Variants in TNMD observed in about 807,000 individuals in gnomAD.
TNMD encodes the protein BRICHOS domain containing 4.
A neutral mutation model predicts 26.9 loss-of-function variants in TNMD; 15 were observed. The observed-to-expected ratio is 0.56, with a 90% CI of 0.37 to 0.86. TNMD has a LOEUF of 0.86. TNMD is among the 40% of genes least tolerant of loss of function. TNMD has a pLI of 0.00. For missense variants in TNMD, 222 were observed against 242.6 expected, an observed-to-expected ratio of 0.92 and a Z score of 0.56; for synonymous variants, 73 against 77.0, an observed-to-expected ratio of 0.95 and a Z score of 0.27.
rs1340628341 is a variant in TNMD at position 100,594,003 on chromosome X, G to T, written c.289G>T (p.Asp97Tyr). The T allele has an allele frequency of 8.3e-7, 1 of 1,210,645 alleles. No individual in the cohort carries two copies. The highest frequency in any genetic ancestry group is 1.1e-6 in the Non-Finnish European group (1 of 894,820). ...AATATTCAGAAGCGGAAATGGCACT[G>T]ATGAAACATTGGAAGTGCACGACTT... Reference protein sequence around the residue: ...TEIFRSGNGTDETLEVHDFKN... With the variant: ...TEIFRSGNGTYETLEVHDFKN... Residue 97 changes from aspartate to tyrosine, a missense_variant, in exon 3 of 7, where the codon GAT becomes TAT. Physicochemically the swap from Asp to Tyr is radical, Grantham distance 160 (BLOSUM62 -3). Transcript: ENST00000373031.
At position 100,593,998 on chromosome X, in the gene TNMD, G is replaced by A; in HGVS notation, c.284G>A (p.Gly95Asp). 8.3e-7 allele frequency: 1 copy of A among 1,210,416 alleles called. No individual in the cohort carries two copies. The highest frequency in any genetic ancestry group is 1.1e-6 in the Non-Finnish European group (1 of 894,683). ...ACTGAAATATTCAGAAGCGGAAATG[G>A]CACTGATGAAACATTGGAAGTGCAC... ...TRTEIFRSGN[G>D]TDETLEVHDF... Residue 95 changes from glycine (G) to aspartate (D), a missense_variant, in exon 3 of 7, where the codon GGC (glycine) becomes GAC (aspartate). Physicochemically the swap from Gly to Asp is moderately conservative, Grantham distance 94. Coordinates refer to ENST00000373031, the MANE Select transcript of TNMD (RefSeq NM_022144.3).
chrX:100,593,670 A>G (rs1355647324), intron 2 of TNMD: 7 of 310,770 alleles, frequency 2.3e-5, no homozygotes, highest in Admixed American at 5.8e-5. Context: ...CCTCAGCTTA[A>G]CACAAGGGGA....
chrX:100,594,121 T>C (rs1396114844), intron 3 of TNMD, 86 bp downstream of exon 3: 25 of 1,052,773 alleles, frequency 2.4e-5, no homozygotes, highest in Non-Finnish European at 3.2e-5. Context: ...CATCTAAAAT[T>C]TGAATTCAAA....
intron 2 of TNMD, among the ~76,000 whole-genome samples, chrX:100,586,076 T>C (rs1019864813): frequency 8.9e-6 from 1 of 112,301 alleles, no homozygotes; most frequent in Non-Finnish European, 1.9e-5. Flanking sequence ...GTGTTATTGT[T>C]ATTCCTGGGC....
rs145140166 is a variant in TNMD at position 100,586,753 on chromosome X, C to T, written c.180+1391C>T. On this transcript the variant is annotated intron_variant, in intron 2 of 6. Coordinates refer to ENST00000373031, the MANE Select transcript of TNMD (RefSeq NM_022144.3). ...TGCTCCTTGCTTCTGAACTACTTACCGTTCAAATGTCCTTCTAGAGAAGCC... is the reference window on the plus strand; with the variant it reads ...TGCTCCTTGCTTCTGAACTACTTACTGTTCAAATGTCCTTCTAGAGAAGCC... Among the ~76,000 whole-genome samples, 527 of 111,524 alleles carry T rather than the reference C, an allele frequency of 4.7e-3. 3 individuals carry two copies. Among genetic ancestry groups the T allele is most frequent in the African/African-American group, 0.015 (469 of 30,710 alleles).
In TNMD at chrX:100,599,608, C is replaced by A. The variant is rs2082963143; in HGVS notation, c.845C>A (p.Pro282His). ...GNRYCRRVCE[P>H]LLGYYPYPYC... The stretch of plus-strand genomic sequence containing the variant: ...CGCTATTGCCGCCGCGTCTGTGAAC[C>A]TTTACTAGGCTACTACCCATATCCA... Residue 282 changes from proline to histidine, a missense_variant, in exon 7 of 7, where the codon CCT becomes CAT. Coordinates refer to ENST00000373031, the MANE Select transcript of TNMD (RefSeq NM_022144.3). 5.0e-6 allele frequency: 6 copies of A among 1,209,452 alleles called. No individual in the cohort carries two copies. The highest frequency in any genetic ancestry group is 6.7e-6 in the Non-Finnish European group (6 of 895,069).
intron 4 of TNMD, 61 bp downstream of exon 4, chrX:100,594,423 C>A: frequency 2.9e-6 from 2 of 700,451 alleles, no homozygotes; most frequent in Non-Finnish European, 2.1e-6. Flanking sequence ...TAGCTATGTG[C>A]CAAACATTGT....
chrX:100,589,595 G>A lies in TNMD; in HGVS notation c.180+4233G>A, dbSNP rs5967157. On this transcript the variant is annotated intron_variant, in intron 2 of 6. Transcript: ENST00000373031. ...TGAACAACTTATATGACACCAGGAT[G>A]AAGAGCCTGGGCCTTCAAAGACAGC... Among the ~76,000 whole-genome samples the A allele has an allele frequency of 3.5e-3, 386 of 110,933 alleles. 1 individual carries two copies. Among genetic ancestry groups the A allele is most frequent in the African/African-American group, 0.012 (369 of 30,501 alleles).
intron 4 of TNMD, among the ~76,000 whole-genome samples, chrX:100,596,598 T>C (rs1309705235): frequency 9.0e-6 from 1 of 111,568 alleles, no homozygotes; most frequent in Non-Finnish European, 1.9e-5. Flanking sequence ...ATGTGTATTT[T>C]AAACATGCAG....
chrX:100,587,162 G>A (rs993472850), intron 2 of TNMD, among the ~76,000 whole-genome samples: 2 of 112,386 alleles, frequency 1.8e-5, no homozygotes, highest in Non-Finnish European at 3.8e-5. Flanking sequence ...TTGCCTCAAC[G>A]CAGCTATAAA....
In TNMD at chrX:100,599,675, G is replaced by A; in HGVS notation, c.912G>A (p.Met304Ile). ...GACGAGTCATCTGTCGTGTCATCAT[G>A]CCTTGTAACTGGTGGGTGGCCCGCA... is the stretch of plus-strand genomic sequence containing the variant. ...QGGRVICRVIMPCNWWVARML... is the reference protein window; with the variant it reads ...QGGRVICRVIIPCNWWVARML... Residue 304 changes from methionine to isoleucine, a missense_variant, in exon 7 of 7, where the codon ATG becomes ATA. Coordinates refer to ENST00000373031, the MANE Select transcript of TNMD (RefSeq NM_022144.3). The A allele has an allele frequency of 8.3e-7, 1 of 1,211,714 alleles. No individual in the cohort carries two copies. Among genetic ancestry groups the A allele is most frequent in the East Asian group, 3.0e-5 (1 of 33,834 alleles).
rs768062613 is a variant in TNMD at position 100,597,528 on chromosome X, T to A, written c.448T>A (p.Phe150Ile). The change falls in exon 5 of 7, where the codon TTT becomes ATT. Residue 150 changes from phenylalanine (F) to isoleucine (I), a missense_variant. Phe to Ile is a conservative substitution (Grantham distance 21). Coordinates refer to ENST00000373031, the MANE Select transcript of TNMD (RefSeq NM_022144.3). ...GAATGAAGAAATTACCACAACTTTC[T>A]TTGAACAGTCAGTGATTTGGGTCCC... ...DENEEITTTF[F>I]EQSVIWVPAE... The A allele has an allele frequency of 2.0e-4, 245 of 1,210,483 alleles. 1 individual carries two copies. The highest frequency in any genetic ancestry group is 2.1e-5 in the Non-Finnish European group (19 of 895,361).
chrX:100,598,377 T>C (rs2082958790), intron 5 of TNMD, among the ~76,000 whole-genome samples: 1 of 111,898 alleles, frequency 8.9e-6, no homozygotes, highest in Non-Finnish European at 1.9e-5. Context: ...TGTGGTATCC[T>C]GGACTGGATG....
At chrX:100,599,290 A>AC (rs2082961914) in intron 6 of TNMD, 108 bp downstream of exon 6, 1 of 718,726 alleles carries the variant, frequency 1.4e-6, no homozygotes. Context: ...CATGGCTTTA[A>AC]CAAAAAAAAA....
rs1878982183 is a variant in TNMD at position 100,594,357 on chromosome X, G to C, written c.418G>C (p.Asp140His). Residue 140 changes from aspartate to histidine, a missense_variant, in exon 4 of 7, where the codon GAT becomes CAT. Asp to His is a moderately conservative substitution (Grantham distance 81). Transcript: ENST00000373031. The stretch of plus-strand genomic sequence containing the variant: ...ATTTTCTGAACCAGAAGAGGAAATA[G>C]ATGAGGTATGTAAGAAGAATAATTG... ...PEFSEPEEEI[D>H]ENEEITTTFF... The C allele has an allele frequency of 1.8e-6, 2 of 1,142,595 alleles. No homozygotes were observed. The highest frequency in any genetic ancestry group is 2.4e-6 in the Non-Finnish European group (2 of 839,402). The allele number at this position is 1,142,595 out of a possible 1,213,427, so 94.2% of individuals were successfully genotyped here. A position where few individuals can be genotyped will look rare whatever the true frequency, so the allele number is the denominator to read the frequency against.
intron 5 of TNMD, among the ~76,000 whole-genome samples, chrX:100,598,394 C>T (rs1463195328): frequency 9.0e-6 from 1 of 111,370 alleles, no homozygotes; most frequent in African/African-American, 3.3e-5. Flanking sequence ...GATGCTGGAA[C>T]AGAAAAAAAC....
At chrX:100,588,173 C>T (rs1469305987) in intron 2 of TNMD, among the ~76,000 whole-genome samples, 1 of 111,557 alleles carries the variant, frequency 9.0e-6, no homozygotes, top group East Asian at 2.8e-4. Flanking sequence ...TCCTCACTCC[C>T]GCTTTGGTGT....
chrX:100,599,531 T>A lies in TNMD; in HGVS notation c.768T>A (p.Asp256Glu). The change falls in exon 7 of 7, where the codon GAT (aspartate) becomes GAA (glutamate). Residue 256 changes from aspartate to glutamate, a missense_variant. Transcript: ENST00000373031. Reference sequence around the variant, plus strand: ...AGACTGAAAATGGAATAGAATTTGATCCCATGCTGGATGAGAGAGGTTATT... The same window carrying A: ...AGACTGAAAATGGAATAGAATTTGAACCCATGCTGGATGAGAGAGGTTATT... ...NDYTENGIEF[D>E]PMLDERGYCC... 3.3e-6 allele frequency: 4 copies of A among 1,209,417 alleles called. No individual in the cohort carries two copies. The highest frequency in any genetic ancestry group is 4.5e-6 in the Non-Finnish European group (4 of 894,340).
intron 2 of TNMD, among the ~76,000 whole-genome samples, chrX:100,591,455 T>C (rs2082937384): frequency 1.8e-5 from 2 of 112,072 alleles, no homozygotes; most frequent in East Asian, 5.6e-4. Flanking sequence ...TCAGTCTTCA[T>C]ACGGGCCAGT....
Sources: allele counts gnomAD v4.1 joint callset (sites outside exome capture counted in the v4.1 genomes callset), GRCh38; gene constraint gnomAD v4.1.1; transcripts MANE v1.5; gene names NCBI Gene and HGNC (gene_info 2026-07-23, HGNC 2026-07-21).